The following CCDC6 variants were observed in gnomAD, a reference collection of about 807,000 sequenced individuals.
CCDC6 encodes coiled-coil domain containing 6.
Under a neutral mutation model 56.6 loss-of-function variants are expected in CCDC6, and 20 were observed. The ratio of observed to expected loss-of-function variants is 0.35; its 90% CI spans 0.25 to 0.51. The LOEUF (loss-of-function observed/expected upper bound fraction) is 0.51. CCDC6 is among the 20% of genes least tolerant of loss of function. The pLI, the probability that CCDC6 is intolerant of heterozygous loss-of-function variation, is 0.95. For synonymous variants in CCDC6, 241 were observed against 234.4 expected (o/e 1.03, Z -0.26); for missense variants, 367 against 601.1 (o/e 0.61, Z 4.07).
rs144318680 is a variant in CCDC6 at position 59,815,604 on chromosome 10, G to C, written c.583-849C>G. Among the ~76,000 whole-genome samples the C allele has an allele frequency of 9.9e-3, 1,500 of 152,232 alleles. 24 individuals carry two copies. The highest frequency in any genetic ancestry group is 0.034 in the African/African-American group (1,423 of 41,518). On this transcript the variant is annotated intron_variant, in intron 3 of 8. Transcript: ENST00000263102. The stretch of plus-strand genomic sequence containing the variant: ...GTAGAAAAAGAGGGCTGGTAAGAGA[G>C]ACTGAAAGTGCAAGAGGTTTCATAG...
chr10:59,806,208 T>C (rs1476978654), intron 6 of CCDC6, among the ~76,000 whole-genome samples: 5 of 152,196 alleles, frequency 3.3e-5, no homozygotes, highest in Non-Finnish European at 7.3e-5. Flanking sequence ...TCTTTTTCCA[T>C]TTATACTTGT....
rs1175658833 is a variant in CCDC6, at chr10:59,789,697, T to C, written c.*3220A>G. On this transcript the variant is annotated 3_prime_UTR_variant, in exon 9 of 9. Transcript: ENST00000263102. Reference sequence around the variant, plus strand: ...CAGAAGATCAAGTTACACAGAAATATTTCTTCTGTACTGATAAGATACAAA... The same window carrying C: ...CAGAAGATCAAGTTACACAGAAATACTTCTTCTGTACTGATAAGATACAAA... 2.7e-5 allele frequency: 6 copies of C among 223,002 alleles called. No individual in the cohort carries two copies. Among genetic ancestry groups the C allele is most frequent in the Admixed American group, 5.7e-5 (1 of 17,420 alleles). 13.8% of individuals were successfully genotyped at this position (223,002 alleles called of 1,614,324 possible).
At chr10:59,880,439 A>T (rs2071323304) in intron 1 of CCDC6, among the ~76,000 whole-genome samples, 1 of 152,226 alleles carries the variant, frequency 6.6e-6, no homozygotes, top group Admixed American at 6.5e-5. Flanking sequence ...TTAAACACTT[A>T]AAAAGTACAC....
chr10:59,894,366 A>T (rs1164159723), intron 1 of CCDC6, among the ~76,000 whole-genome samples: 1 of 152,116 alleles, frequency 6.6e-6, no homozygotes, highest in East Asian at 1.9e-4. Context: ...TCCAATCATT[A>T]CTCAGCCCCT....
At chr10:59,874,144 C>CACACACACACAT (rs1554886822) in intron 1 of CCDC6, among the ~76,000 whole-genome samples, 1 of 151,470 alleles carries the variant, frequency 6.6e-6, no homozygotes, top group Non-Finnish European at 1.5e-5. Flanking sequence ...CACACACACA[C>CACACACACACAT]GCACACACCC....
At chr10:59,844,812 C>T (rs1368068924) in intron 2 of CCDC6, among the ~76,000 whole-genome samples, 2 of 150,728 alleles carry the variant, frequency 1.3e-5, no homozygotes, top group Middle Eastern at 3.5e-3. Context: ...TTGAAAAATC[C>T]ATTTTGTAAA....
At position 59,791,248 on chromosome 10, in the gene CCDC6, T is replaced by C. The variant is rs920688820; in HGVS notation, c.*1669A>G. ...TAGACCTACAGTTTCTTCCAAACAA[T>C]TGAGTGATGTTCTCAGTTTGGGGGT... is the stretch of plus-strand genomic sequence containing the variant. On this transcript the variant is annotated 3_prime_UTR_variant, in exon 9 of 9. Transcript: ENST00000263102. 3.0e-5 allele frequency: 6 copies of C among 199,822 alleles called. No individual in the cohort carries two copies. The highest frequency in any genetic ancestry group is 9.2e-5 in the African/African-American group (4 of 43,448). The allele number at this position is 199,822 out of a possible 1,614,324, so 12.4% of individuals were successfully genotyped here.
rs16914105 is a variant in CCDC6 at position 59,789,044 on chromosome 10, C to G, written c.*3873G>C. On this transcript the variant is annotated 3_prime_UTR_variant, in exon 9 of 9. Transcript: ENST00000263102. Reference sequence around the variant, plus strand: ...TGTTGACATCTTTCTGTTGGACAGTCCACTTTCGCTTTCCAGGCTAAGTTC... The same window carrying G: ...TGTTGACATCTTTCTGTTGGACAGTGCACTTTCGCTTTCCAGGCTAAGTTC... The G allele has an allele frequency of 1.8e-5, 4 of 223,290 alleles. No homozygotes were observed. In the East Asian group the frequency reaches 2.6e-4, roughly 14 times the overall value. 13.8% of individuals were successfully genotyped at this position (223,290 alleles called of 1,614,324 possible).
chr10:59,816,371 A>T (rs947304876), intron 3 of CCDC6, among the ~76,000 whole-genome samples: 10 of 152,232 alleles, frequency 6.6e-5, no homozygotes, highest in African/African-American at 2.2e-4. Context: ...CTGTAGAAAC[A>T]ACTGGCCATT....
chr10:59,865,852 C>CAAAAAAAAAAAAAAAAAAAAA lies in CCDC6; in HGVS notation c.304-13171_304-13151dup, dbSNP rs777021321. Reference sequence around the variant, plus strand: ...GTGACAGAGAGAGACTCCATCTCCACAAAAAAAAAAAAAAAAAAAAAAGAA... The same window carrying CAAAAAAAAAAAAAAAAAAAAA: ...GTGACAGAGAGAGACTCCATCTCCACAAAAAAAAAAAAAAAAAAAAAAAAAAAAAAAAAAAAAAAAAAAGAA... On this transcript the variant is annotated intron_variant, in intron 1 of 8. Transcript: ENST00000263102. Among the ~76,000 whole-genome samples the CAAAAAAAAAAAAAAAAAAAAA allele has an allele frequency of 2.5e-4, 14 of 57,038 alleles. 1 individual carries two copies. The highest frequency in any genetic ancestry group is 9.5e-4 in the African/African-American group (13 of 13,650). 37.4% of individuals were successfully genotyped at this position (57,038 alleles called of 152,430 possible).
intron 3 of CCDC6, among the ~76,000 whole-genome samples, chr10:59,826,358 C>T (rs893615389): frequency 6.6e-6 from 1 of 152,178 alleles, no homozygotes; most frequent in African/African-American, 2.4e-5. Context: ...CCTCCTCTCC[C>T]ATCTCTGCTT....
intron 1 of CCDC6, among the ~76,000 whole-genome samples, chr10:59,862,554 CACATAT>C (rs1210123633): frequency 4.8e-5 from 5 of 104,356 alleles, no homozygotes; most frequent in East Asian, 5.9e-4. Context: ...CACACACACA[CACATAT>C]ATATACACAT....
intron 1 of CCDC6, among the ~76,000 whole-genome samples, chr10:59,902,553 C>T (rs1378548886): frequency 6.6e-6 from 1 of 152,050 alleles, no homozygotes; most frequent in African/African-American, 2.4e-5. Context: ...AACACCATCC[C>T]CAGCTAATTT....
chr10:59,840,718 A>G (rs2070930788), intron 2 of CCDC6, among the ~76,000 whole-genome samples: 1 of 152,168 alleles, frequency 6.6e-6, no homozygotes, highest in African/African-American at 2.4e-5. Flanking sequence ...AATGATGGTA[A>G]CTATTCTTCC....
Position 59,906,400 on chromosome 10 carries a change from C to G in CCDC6, c.25G>C (p.Asp9His). 1 of 1,577,658 alleles carries G rather than the reference C, an allele frequency of 6.3e-7. No individual in the cohort carries two copies. Among genetic ancestry groups the G allele is most frequent in the Non-Finnish European group, 8.5e-7 (1 of 1,171,322 alleles). The change falls in exon 1 of 9, where the codon GAC (aspartate) becomes CAC (histidine). Residue 9 changes from aspartate (D) to histidine (H), a missense_variant. By Grantham distance (81) the Asp-to-His change is moderately conservative (BLOSUM62 -1). Coordinates refer to ENST00000263102, the MANE Select transcript of CCDC6 (RefSeq NM_005436.5). MADSASES[D>H]TDGAGGNSSS... is the part of the protein sequence containing the mutation. ...CTGTTGCCCCCCGCCCCGTCCGTGT[C>G]GCTCTCGCTGGCGCTGTCCGCCATG...
intron 1 of CCDC6, among the ~76,000 whole-genome samples, chr10:59,884,240 A>C (rs904432218): frequency 1.3e-5 from 2 of 152,222 alleles, no homozygotes; most frequent in African/African-American, 2.4e-5. Context: ...CCTTCAAAAC[A>C]AACAAAAAAA....
intron 1 of CCDC6, among the ~76,000 whole-genome samples, chr10:59,867,893 G>A (rs994359917): frequency 3.3e-5 from 5 of 151,982 alleles, no homozygotes; most frequent in African/African-American, 1.2e-4. Context: ...ATCTACCTAT[G>A]ACCTGGAAGC....
rs189149234 is a variant in CCDC6, at chr10:59,812,750, C to A, written c.732G>T (p.Ser244=). ...KLDQPVSAPP[S]PRDISMEIDS... is the part of the protein sequence containing the mutation. ...CAATCTCCATGGAGATATCTCTAGG[C>A]GATGGTGGAGCAGAGACGGGCTGGT... Residue 244 remains serine (S), a synonymous_variant, in exon 5 of 9, where the codon TCG becomes TCT. Coordinates refer to ENST00000263102, the MANE Select transcript of CCDC6 (RefSeq NM_005436.5). 6.2e-7 allele frequency: 1 copy of A among 1,611,448 alleles called. No homozygotes were observed. Among genetic ancestry groups the A allele is most frequent in the Non-Finnish European group, 8.5e-7 (1 of 1,178,070 alleles).
At chr10:59,892,044 G>A (rs1207310218) in intron 1 of CCDC6, among the ~76,000 whole-genome samples, 1 of 152,172 alleles carries the variant, frequency 6.6e-6, no homozygotes, top group Admixed American at 6.5e-5. Flanking sequence ...TTCGGCTACT[G>A]CAATCCTGCA....
Sources: allele counts gnomAD v4.1 joint callset (sites outside exome capture counted in the v4.1 genomes callset), GRCh38; gene constraint gnomAD v4.1.1; transcripts MANE v1.5; gene names NCBI Gene and HGNC (gene_info 2026-07-23, HGNC 2026-07-21).